Variants in ROBO2 observed in about 807,000 individuals in gnomAD.
The protein encoded by ROBO2 is roundabout homolog 2.
A neutral mutation model predicts 160.8 loss-of-function variants in ROBO2; 53 were observed. The observed-to-expected ratio is 0.33, with a 90% CI of 0.26 to 0.41. The LOEUF (loss-of-function observed/expected upper bound fraction) is 0.41, where lower values mean the gene tolerates loss of function less well. ROBO2 is among the 10% of genes least tolerant of loss of function. The pLI, the probability that ROBO2 is intolerant of heterozygous loss-of-function variation, is 1.00. For missense variants in ROBO2, 1,577 were observed against 1,722.4 expected (o/e 0.92, Z 1.49); for synonymous variants, 664 against 611.7 (o/e 1.09, Z -1.26).
intron 21 of ROBO2, among the ~76,000 whole-genome samples, chr3:77,616,537 G>A (rs2094780999): frequency 1.3e-5 from 2 of 152,150 alleles, no homozygotes; most frequent in Admixed American, 6.6e-5. Context: ...TTTACAGCAG[G>A]AAAGTGATGT....
At chr3:77,327,872 G>A (rs866753098) in intron 2 of ROBO2, among the ~76,000 whole-genome samples, 10 of 151,892 alleles carry the variant, frequency 6.6e-5, no homozygotes, top group African/African-American at 2.2e-4. Context: ...CAACAATGGC[G>A]AAACCCCGTC....
chr3:76,678,734 G>A (rs2092478513), intron 2 of ROBO2, among the ~76,000 whole-genome samples: 1 of 152,092 alleles, frequency 6.6e-6, no homozygotes, highest in Admixed American at 6.6e-5. Context: ...AAGTACTTAG[G>A]TGGAAATTTT....
At chr3:76,145,943 A>G (rs1456796178) in intron 2 of ROBO2, among the ~76,000 whole-genome samples, 1 of 152,032 alleles carries the variant, frequency 6.6e-6, no homozygotes, top group Non-Finnish European at 1.5e-5. Flanking sequence ...GTTTGAGGAA[A>G]TGGTCGCAGT....
At chr3:77,608,042 C>A in intron 21 of ROBO2, 88 bp downstream of exon 22, 1 of 1,320,660 alleles carries the variant, frequency 7.6e-7, no homozygotes, top group Non-Finnish European at 1.1e-6. Flanking sequence ...TGTTCTCTCA[C>A]TGTTTCCTTT....
chr3:77,491,698 C>G (rs2086134267), intron 4 of ROBO2, among the ~76,000 whole-genome samples: 1 of 152,072 alleles, frequency 6.6e-6, no homozygotes, highest in East Asian at 1.9e-4. Flanking sequence ...CCGTGTTTTT[C>G]TTTAGTTTTT....
intron 2 of ROBO2, among the ~76,000 whole-genome samples, chr3:77,476,448 C>T (rs1326810603): frequency 6.6e-6 from 1 of 151,248 alleles, no homozygotes; most frequent in Non-Finnish European, 1.5e-5. Flanking sequence ...CCAAACATGT[C>T]GGTGTTGGAA....
At chr3:76,838,888 G>A (rs1398613027) in intron 2 of ROBO2, among the ~76,000 whole-genome samples, 1 of 152,108 alleles carries the variant, frequency 6.6e-6, no homozygotes, top group Non-Finnish European at 1.5e-5. Context: ...AGAATTTAAT[G>A]AGTACATGAC....
At chr3:77,492,725 G>A (rs1214364088) in intron 4 of ROBO2, among the ~76,000 whole-genome samples, 1 of 152,076 alleles carries the variant, frequency 6.6e-6, no homozygotes, top group African/African-American at 2.4e-5. Context: ...GGAATATTGA[G>A]TCCTTATCAA....
chr3:77,568,115 G>A (rs2093538688), intron 12 of ROBO2, among the ~76,000 whole-genome samples, 198 bp from the exon 14 acceptor site: 1 of 151,894 alleles, frequency 6.6e-6, no homozygotes, highest in Non-Finnish European at 1.5e-5. Flanking sequence ...TTTTAATAAA[G>A]ATCAATATCA....
rs11916353 is a variant in ROBO2 at position 76,925,731 on chromosome 3, C to G, written c.110-172283C>G. On this transcript the variant is annotated intron_variant, in intron 2 of 26. Transcript: ENST00000487694. ...CCACAACAAACCCAGCCCCAGAAAA[C>G]CAAGCCACCTAGGAAAGAGAACTAC... Among the ~76,000 whole-genome samples the G allele has an allele frequency of 4.5e-3, 685 of 152,220 alleles. 1 individual carries two copies. The highest frequency in any genetic ancestry group is 6.8e-3 in the Middle Eastern group (2 of 294).
In ROBO2 at chr3:76,318,806, A is replaced by C. The variant is rs2072266455; in HGVS notation, c.109+381204A>C. ...TGTTAAAAAATGGGGAAAAAATATA[A>C]AGTTTAGTTATTTTCACAGGTTTTG... On this transcript the variant is annotated intron_variant, in intron 2 of 26. Coordinates refer to the ROBO2 transcript ENST00000487694. Among the ~76,000 whole-genome samples the C allele has an allele frequency of 2.0e-5, 3 of 152,210 alleles. No homozygotes were observed. The South Asian group carries it at 6.2e-4, about 32-fold the overall frequency.
chr3:77,318,357 C>G (rs1019320818), intron 2 of ROBO2, among the ~76,000 whole-genome samples: 1 of 152,136 alleles, frequency 6.6e-6, no homozygotes, highest in Admixed American at 6.5e-5. Flanking sequence ...TATGACTGAT[C>G]ACCTTATGTA....
At chr3:76,598,575 A>C (rs182025657) in intron 2 of ROBO2, among the ~76,000 whole-genome samples, 1 of 152,186 alleles carries the variant, frequency 6.6e-6, no homozygotes, top group Non-Finnish European at 1.5e-5. Context: ...AGGGGTACAC[A>C]TTAACTCTCT....
chr3:75,931,070 A>G (rs1381825465), intron 1 of ROBO2, among the ~76,000 whole-genome samples: 2 of 152,318 alleles, frequency 1.3e-5, no homozygotes, highest in South Asian at 2.1e-4. Flanking sequence ...ACAGTTTCAC[A>G]TATCTTTCTC....
intron 2 of ROBO2, among the ~76,000 whole-genome samples, chr3:76,141,159 C>CTCTCTA (rs1364431015): frequency 2.2e-4 from 2 of 9,174 alleles, no homozygotes; most frequent in Non-Finnish European, 3.6e-4. Flanking sequence ...CTCTCTCTCT[C>CTCTCTA]TATATATATA....
At chr3:76,834,827 G>A (rs1193227632) in intron 2 of ROBO2, among the ~76,000 whole-genome samples, 1 of 151,964 alleles carries the variant, frequency 6.6e-6, no homozygotes, top group Non-Finnish European at 1.5e-5. Flanking sequence ...TCATTTCATT[G>A]GCCAAAGCAT....
At chr3:76,385,435 C>G (rs2076836851) in intron 2 of ROBO2, among the ~76,000 whole-genome samples, 1 of 152,206 alleles carries the variant, frequency 6.6e-6, no homozygotes, top group Admixed American at 6.5e-5. Context: ...GGCACCATTG[C>G]TATCTAGTTT....
intron 2 of ROBO2, chr3:77,317,104 C>A: frequency 7.7e-7 from 1 of 1,304,988 alleles, no homozygotes. Flanking sequence ...TGCAAAGTTG[C>A]TCTGGGTCAC....
chr3:76,036,504 C>G (rs1576582400), intron 2 of ROBO2, among the ~76,000 whole-genome samples: 3 of 151,316 alleles, frequency 2.0e-5, no homozygotes, highest in Admixed American at 2.0e-4. Flanking sequence ...GCAAGTTTCT[C>G]CCTTTTTTCT....
Sources: gnomAD v4.1 joint callset for allele counts (sites outside exome capture counted in the v4.1 genomes callset) on GRCh38, gnomAD v4.1.1 for gene constraint, MANE v1.5 for transcripts, NCBI Gene and HGNC (gene_info 2026-07-23, HGNC 2026-07-21) for gene names.